PLCH1: variants seen among roughly 807,000 people sequenced by gnomAD.
The protein encoded by PLCH1 is phospholipase C eta 1, also known as 1-phosphatidylinositol 4,5-bisphosphate phosphodiesterase eta-1.
In PLCH1, 60 loss-of-function variants were observed where a neutral mutation model predicts 126.7. That is an observed-to-expected ratio of 0.47 (90% CI 0.38 to 0.59). PLCH1 has a LOEUF of 0.59. Among genes scored for constraint, PLCH1 ranks in the 20% least tolerant of loss-of-function variants. The probability of loss-of-function intolerance (pLI) is 0.00; values close to 1 mark genes in which losing one functional copy is unlikely to be tolerated. For synonymous variants in PLCH1, 719 were observed against 734.9 expected (o/e 0.98, Z 0.35); for missense variants, 1,723 against 2,040.0 (o/e 0.84, Z 2.99).
chr3:155,677,023 T>C (rs916594174), intron 2 of PLCH1, among the ~76,000 whole-genome samples: 3 of 152,236 alleles, frequency 2.0e-5, no homozygotes, highest in Admixed American at 1.3e-4. Context: ...GACAGACACA[T>C]AAGCAGATAC....
At chr3:155,719,997 T>C (rs1230649315) in intron 1 of PLCH1, among the ~76,000 whole-genome samples, 1 of 152,126 alleles carries the variant, frequency 6.6e-6, no homozygotes, top group Non-Finnish European at 1.5e-5. Context: ...GGTTTCACCA[T>C]ATTAGTCAAG....
chr3:155,518,734 CA>C lies in PLCH1; in HGVS notation c.1471-3851del, dbSNP rs147078426. Among the ~76,000 whole-genome samples, 7 of 149,784 alleles carry C rather than the reference CA, an allele frequency of 4.7e-5. No individual in the cohort carries two copies. In the East Asian group the frequency reaches 5.9e-4, roughly 13 times the overall value. ...AAGGAGTGTGCATTTGCTGCGAGGA[CA>C]AAAAAAAAGAAAGCATTTAAGAGCA... is the stretch of plus-strand genomic sequence containing the variant. On this transcript the variant is annotated intron_variant, in intron 11 of 22. Transcript: ENST00000460012.
In PLCH1 at chr3:155,482,812, G is replaced by A. The variant is rs768319885; in HGVS notation, c.3214C>T (p.Pro1072Ser). The A allele has an allele frequency of 1.2e-6, 2 of 1,613,954 alleles. No homozygotes were observed. Among genetic ancestry groups the A allele is most frequent in the Non-Finnish European group, 8.5e-7 (1 of 1,180,036 alleles). The change falls in exon 23 of 23, where the codon CCC (proline) becomes TCC (serine). Residue 1072 changes from proline (P) to serine (S), a missense_variant. Physicochemically the swap from Pro to Ser is moderately conservative, Grantham distance 74. This residue lies in a region of PLCH1 where 947 missense variants were observed against 977.1 expected (regional missense o/e 0.97). Coordinates refer to ENST00000460012, the MANE Select transcript of PLCH1 (RefSeq NM_014996.4). ...ATSNCQENPCPSKSLSPKQHL... is the reference protein window; with the variant it reads ...ATSNCQENPCSSKSLSPKQHL... ...TGCTTTGGGGAGAGAGACTTGCTGGGACAGGGGTTTTCCTGGCAATTGCTT... is the reference window on the plus strand; with the variant it reads ...TGCTTTGGGGAGAGAGACTTGCTGGAACAGGGGTTTTCCTGGCAATTGCTT...
intron 6 of PLCH1, among the ~76,000 whole-genome samples, 194 bp downstream of exon 6, chr3:155,583,278 T>G (rs190808940): frequency 6.6e-6 from 1 of 152,222 alleles, no homozygotes; most frequent in Admixed American, 6.5e-5. Flanking sequence ...TATAACCCAG[T>G]GTTCAAGTTA....
intron 8 of PLCH1, among the ~76,000 whole-genome samples, chr3:155,556,664 T>C (rs1345266160): frequency 6.6e-6 from 1 of 152,228 alleles, no homozygotes; most frequent in Non-Finnish European, 1.5e-5. Context: ...AAGCCGATTA[T>C]GCTCCACAAT....
intron 10 of PLCH1, among the ~76,000 whole-genome samples, chr3:155,547,145 C>A (rs1725425189): frequency 6.8e-6 from 1 of 146,746 alleles, no homozygotes; most frequent in South Asian, 2.2e-4. Context: ...ACTCATCTGA[C>A]AAAGGGCTAA....
At chr3:155,503,206 C>T (rs1718158565) in intron 13 of PLCH1, among the ~76,000 whole-genome samples, 1 of 152,180 alleles carries the variant, frequency 6.6e-6, no homozygotes. Flanking sequence ...CCCCAAAAGC[C>T]TTCTGATCCT....
At chr3:155,613,935 G>C (rs762055060) in intron 2 of PLCH1, among the ~76,000 whole-genome samples, 5 of 152,124 alleles carry the variant, frequency 3.3e-5, no homozygotes, top group Non-Finnish European at 5.9e-5. Flanking sequence ...GATCTGATAA[G>C]TTAATTTGGT....
intron 18 of PLCH1, 81 bp from the exon 19 acceptor site, chr3:155,490,949 T>A: frequency 1.3e-6 from 1 of 777,762 alleles, no homozygotes; most frequent in East Asian, 2.7e-5. Context: ...TTGGCCAAAA[T>A]GTCTACATTT....
rs141846601 is a variant in PLCH1, at chr3:155,662,001, G to A, written c.79+42145C>T. Among the ~76,000 whole-genome samples the A allele has an allele frequency of 1.1e-4, 17 of 152,294 alleles. No homozygotes were observed. The East Asian group carries it at 3.3e-3, about 29-fold the overall frequency. On this transcript the variant is annotated intron_variant, in intron 2 of 22. Coordinates refer to ENST00000460012, the MANE Select transcript of PLCH1 (RefSeq NM_014996.4). ...TAACACTCTAGAAACACCTCTTAAT[G>A]AATCAGCAGAATCTACCTGAGTTAG...
At position 155,480,902 on chromosome 3, in the gene PLCH1, A is replaced by G. The variant is rs887379095; in HGVS notation, c.*66T>C. 4 of 1,317,354 alleles carry G rather than the reference A, an allele frequency of 3.0e-6. No individual in the cohort carries two copies. The highest frequency in any genetic ancestry group is 2.3e-5 in the Admixed American group (1 of 43,988). The allele number at this position is 1,317,354 out of a possible 1,614,324, so 81.6% of individuals were successfully genotyped here. On this transcript the variant is annotated 3_prime_UTR_variant, in exon 23 of 23. Coordinates refer to ENST00000460012, the MANE Select transcript of PLCH1 (RefSeq NM_014996.4). Reference sequence around the variant, plus strand: ...AAATCATTCCAAAGCCAAGGAACTTATTTACTGAAAACTCTGACATTCTAC... The same window carrying G: ...AAATCATTCCAAAGCCAAGGAACTTGTTTACTGAAAACTCTGACATTCTAC...
intron 6 of PLCH1, among the ~76,000 whole-genome samples, chr3:155,572,794 T>C (rs964257014): frequency 6.6e-6 from 1 of 152,136 alleles, no homozygotes; most frequent in East Asian, 1.9e-4. Context: ...GGCACAGTCA[T>C]GGCGCACTGC....
At position 155,576,407 on chromosome 3, in the gene PLCH1, G is replaced by C. The variant is rs759291794; in HGVS notation, c.771+7065C>G. Among the ~76,000 whole-genome samples, 5 of 152,274 alleles carry C rather than the reference G, an allele frequency of 3.3e-5. No homozygotes were observed. In the South Asian group the frequency reaches 1.0e-3, roughly 32 times the overall value. On this transcript the variant is annotated intron_variant, in intron 6 of 22. Coordinates refer to ENST00000460012, the MANE Select transcript of PLCH1 (RefSeq NM_014996.4). ...CTGGCACTTCCTCATGGTTATAAAAGATAGTGAGAATTCCCTTGGCACAGC... is the reference window on the plus strand; with the variant it reads ...CTGGCACTTCCTCATGGTTATAAAACATAGTGAGAATTCCCTTGGCACAGC...
chr3:155,623,279 A>G (rs1374438456), intron 2 of PLCH1, among the ~76,000 whole-genome samples: 1 of 152,238 alleles, frequency 6.6e-6, no homozygotes, highest in African/African-American at 2.4e-5. Flanking sequence ...AATTTACAGC[A>G]TGAAATGCCT....
At chr3:155,698,860 T>A (rs1345227207) in intron 2 of PLCH1, among the ~76,000 whole-genome samples, 1 of 151,996 alleles carries the variant, frequency 6.6e-6, no homozygotes, top group Admixed American at 6.6e-5. Context: ...CAATGGGAGG[T>A]AGAGAGCCTT....
chr3:155,451,341 A>G (rs1712303565), intron 21 of PLCH1, among the ~76,000 whole-genome samples: 1 of 152,192 alleles, frequency 6.6e-6, no homozygotes, highest in Non-Finnish European at 1.5e-5. Flanking sequence ...GAGGAAAATA[A>G]TGTTAAGTGA....
intron 2 of PLCH1, among the ~76,000 whole-genome samples, chr3:155,699,296 C>CA (rs1351276335): frequency 5.9e-5 from 9 of 152,120 alleles, no homozygotes; most frequent in Non-Finnish European, 1.0e-4. Flanking sequence ...AGGCTGGTCT[C>CA]AAACTCCTGA....
rs1301571125 is a variant in PLCH1, at chr3:155,704,273, G to A, written c.-40-9C>T. ...ATCAAAACCAAATTGCCCTGTCAAG[G>A]GAAACAGAATGAGACAAAAATGAAG... is the stretch of plus-strand genomic sequence containing the variant. On this transcript the variant is annotated splice_polypyrimidine_tract_variant and intron_variant, in intron 1 of 22. Coordinates refer to ENST00000460012, the MANE Select transcript of PLCH1 (RefSeq NM_014996.4). The A allele has an allele frequency of 2.5e-6, 2 of 800,634 alleles. No homozygotes were observed. Among genetic ancestry groups the A allele is most frequent in the Non-Finnish European group, 3.4e-6 (2 of 594,128 alleles). The allele number at this position is 800,634 out of a possible 1,614,324, so 49.6% of individuals were successfully genotyped here.
At position 155,619,498 on chromosome 3, in the gene PLCH1, T is replaced by TA. The variant is rs1553857946; in HGVS notation, c.80-23121dup. 1.2e-3 allele frequency among the ~76,000 whole-genome samples: 164 copies of TA among 133,522 alleles called. 2 individuals are homozygous for TA. Among genetic ancestry groups the TA allele is most frequent in the Non-Finnish European group, 1.7e-3 (100 of 59,800 alleles). 87.6% of individuals were successfully genotyped at this position (133,522 alleles called of 152,430 possible). The stretch of plus-strand genomic sequence containing the variant: ...TTTTTCAAAACAAAAACAGAAAAAG[T>TA]AAAAAAAAAAAAAAAGAAGAAAAAG... On this transcript the variant is annotated intron_variant, in intron 2 of 22. Coordinates refer to ENST00000460012, the MANE Select transcript of PLCH1 (RefSeq NM_014996.4).
Sources: allele counts gnomAD v4.1 joint callset (sites outside exome capture counted in the v4.1 genomes callset), GRCh38; gene constraint gnomAD v4.1.1; regional missense constraint gnomAD v4.1.1; transcripts MANE v1.5; gene names NCBI Gene and HGNC (gene_info 2026-07-23, HGNC 2026-07-21).